The following SLC29A3 variants were observed in gnomAD, a reference collection of about 807,000 sequenced individuals.
SLC29A3 encodes solute carrier family 29 member 3, also known as equilibrative nucleoside transporter 3.
Under a neutral mutation model 25.4 loss-of-function variants are expected in SLC29A3, and 18 were observed. The observed-to-expected ratio is 0.71, with a 90% CI of 0.49 to 1.05. The LOEUF (loss-of-function observed/expected upper bound fraction) is 1.05, where lower values mean the gene tolerates loss of function less well. Among genes scored for constraint, SLC29A3 ranks in the 50% least tolerant of loss-of-function variants. The pLI, the probability that SLC29A3 is intolerant of heterozygous loss-of-function variation, is 0.00. For synonymous variants in SLC29A3, 258 were observed against 267.1 expected (o/e 0.97, Z 0.33); for missense variants, 586 against 609.0 (o/e 0.96, Z 0.40).
At chr10:71,333,590 AGGG>A (rs1589225819) in intron 2 of SLC29A3, among the ~76,000 whole-genome samples, 1 of 152,266 alleles carries the variant, frequency 6.6e-6, no homozygotes, top group East Asian at 1.9e-4. Context: ...ACCAGGCCAC[AGGG>A]CATGGCCCTT....
At chr10:71,353,620 G>A (rs1290082518) in intron 4 of SLC29A3, among the ~76,000 whole-genome samples, 1 of 152,100 alleles carries the variant, frequency 6.6e-6, no homozygotes, top group Non-Finnish European at 1.5e-5. Context: ...TCTAAACCGT[G>A]GTCACCACTG....
intron 5 of SLC29A3, among the ~76,000 whole-genome samples, chr10:71,358,515 C>T (rs565674852): frequency 8.5e-5 from 13 of 152,116 alleles, no homozygotes; most frequent in Admixed American, 5.2e-4. Flanking sequence ...CTGACGTCCC[C>T]GTGCTTCCTG....
chr10:71,366,782 T>C (rs941946424), downstream of SLC29A3, among the ~76,000 whole-genome samples: 3 of 152,230 alleles, frequency 2.0e-5, no homozygotes, highest in Non-Finnish European at 4.4e-5. Flanking sequence ...GACATATTTA[T>C]AGTACATTCC....
At chr10:71,350,335 GT>G (rs1846720932) in intron 3 of SLC29A3, among the ~76,000 whole-genome samples, 1 of 149,564 alleles carries the variant, frequency 6.7e-6, no homozygotes, top group African/African-American at 2.6e-5. Context: ...GTGTGTGTGT[GT>G]GTGTGTGTGT....
downstream of SLC29A3, chr10:71,364,418 C>T (rs2131854608): frequency 6.6e-6 from 1 of 152,294 alleles, no homozygotes; most frequent in Admixed American, 6.5e-5. Flanking sequence ...GATCTCCTGA[C>T]ATGAAGAGTA....
chr10:71,367,420 T>A (rs1163265654), downstream of SLC29A3, among the ~76,000 whole-genome samples: 1 of 152,116 alleles, frequency 6.6e-6, no homozygotes. Flanking sequence ...TCCTCATCTG[T>A]AAAATAGGGA....
rs1189026886 is a variant in SLC29A3, at chr10:71,362,296, A to G, written c.1116A>G (p.Pro372=). The stretch of plus-strand genomic sequence containing the variant: ...AGCTCACCGCCTGGATCCAGGTGCC[A>G]GGGCCCAATAGCAAGGCGCTCCCAG... The part of the protein sequence containing the change: ...GRQLTAWIQV[P]GPNSKALPGF... Residue 372 remains proline (P), a synonymous_variant, in exon 6 of 6, where the codon CCA becomes CCG. Transcript: ENST00000373189. The G allele has an allele frequency of 2.5e-6, 4 of 1,613,986 alleles. No individual in the cohort carries two copies. The highest frequency in any genetic ancestry group is 1.6e-4 in the Middle Eastern group (1 of 6,084).
At chr10:71,346,856 C>A (rs1289969091) in intron 3 of SLC29A3, among the ~76,000 whole-genome samples, 1 of 152,208 alleles carries the variant, frequency 6.6e-6, no homozygotes, top group Admixed American at 6.5e-5. Context: ...CTCCGGGATT[C>A]AGGCTGCTGC....
At chr10:71,326,425 A>G (rs924592336) in intron 2 of SLC29A3, among the ~76,000 whole-genome samples, 1 of 152,202 alleles carries the variant, frequency 6.6e-6, no homozygotes, top group East Asian at 1.9e-4. Flanking sequence ...GCCCTGGTGC[A>G]TTTCCACAGG....
chr10:71,347,631 GC>G (rs1233475439), intron 3 of SLC29A3, among the ~76,000 whole-genome samples: 1 of 152,186 alleles, frequency 6.6e-6, no homozygotes, highest in African/African-American at 2.4e-5. Flanking sequence ...GTTGAAAATA[GC>G]CCTAGAGCCC....
chr10:71,335,386 G>A (rs557593710), intron 2 of SLC29A3, among the ~76,000 whole-genome samples: 1 of 152,338 alleles, frequency 6.6e-6, no homozygotes, highest in East Asian at 1.9e-4. Flanking sequence ...CCAAGCGAGG[G>A]GACAATGCAG....
At chr10:71,356,814 C>T (rs1242623197) in intron 5 of SLC29A3, among the ~76,000 whole-genome samples, 1 of 152,154 alleles carries the variant, frequency 6.6e-6, no homozygotes, top group East Asian at 1.9e-4. Flanking sequence ...GACGGCAAGA[C>T]CCTGTCTCTC....
chr10:71,380,509 A>C (rs959426718), exon 5 of SLC29A3: 9 of 152,228 alleles, frequency 5.9e-5, no homozygotes, highest in African/African-American at 2.2e-4. Flanking sequence ...ATGGGCATGC[A>C]CAGCGATGGG....
intron 3 of SLC29A3, among the ~76,000 whole-genome samples, chr10:71,350,950 A>C (rs544563721): frequency 4.0e-4 from 61 of 152,252 alleles, no homozygotes; most frequent in Non-Finnish European, 7.5e-4. Context: ...ACTGGCATAC[A>C]GAAAATGCCT....
At chr10:71,338,747 ACT>A (rs954390750) in intron 2 of SLC29A3, among the ~76,000 whole-genome samples, 12 of 151,758 alleles carry the variant, frequency 7.9e-5, no homozygotes, top group African/African-American at 2.9e-4. Context: ...ACAGAGCGAG[ACT>A]CTGTCTCGAA....
chr10:71,337,128 G>A (rs1039716422), intron 2 of SLC29A3, among the ~76,000 whole-genome samples: 4 of 152,124 alleles, frequency 2.6e-5, no homozygotes, highest in African/African-American at 9.7e-5. Context: ...CTCCTGCCTG[G>A]CCCCTGGAAC....
chr10:71,341,020 C>T (rs1164491086), intron 2 of SLC29A3, among the ~76,000 whole-genome samples: 1 of 152,200 alleles, frequency 6.6e-6, no homozygotes, highest in Non-Finnish European at 1.5e-5. Flanking sequence ...TCTTGTGGAG[C>T]CACCACGTTC....
At chr10:71,351,538 C>G in intron 3 of SLC29A3, 24 bp from the exon 4 acceptor site, 1 of 1,611,756 alleles carries the variant, frequency 6.2e-7, no homozygotes, top group Non-Finnish European at 8.5e-7. Flanking sequence ...GGGTGTCTAA[C>G]TGCTTCTGGC....
chr10:71,360,275 C>T (rs140166726), intron 5 of SLC29A3, among the ~76,000 whole-genome samples: 100 of 151,164 alleles, frequency 6.6e-4, no homozygotes, highest in African/African-American at 2.2e-3. Context: ...TCCTGAGTAG[C>T]TGGGACTACA....
Sources: allele counts gnomAD v4.1 joint callset (sites outside exome capture counted in the v4.1 genomes callset), GRCh38; gene constraint gnomAD v4.1.1; transcripts MANE v1.5; gene names NCBI Gene and HGNC (gene_info 2026-07-23, HGNC 2026-07-21).